Variants in TMEM135 observed in about 807,000 individuals in gnomAD.
The protein encoded by TMEM135 is transmembrane protein 135, also known as peroxisomal membrane protein 52.
In TMEM135, 30 loss-of-function variants were observed where a neutral mutation model predicts 60.3. That is an observed-to-expected ratio of 0.50 (90% CI 0.37 to 0.68). TMEM135 has a LOEUF of 0.68. TMEM135 is among the 30% of genes least tolerant of loss of function. The probability of loss-of-function intolerance (pLI) is 0.00; values close to 1 mark genes in which losing one functional copy is unlikely to be tolerated. For synonymous variants in TMEM135, 190 were observed against 186.7 expected (o/e 1.02, Z -0.14); for missense variants, 468 against 548.8 (o/e 0.85, Z 1.47).
At chr11:87,280,918 C>T (rs972582769) in intron 6 of TMEM135, among the ~76,000 whole-genome samples, 2 of 152,184 alleles carry the variant, frequency 1.3e-5, no homozygotes, top group African/African-American at 2.4e-5. Flanking sequence ...ACATGCCTAT[C>T]AGCCGTATCC....
At chr11:87,261,247 C>T (rs565522090) in intron 6 of TMEM135, among the ~76,000 whole-genome samples, 8 of 152,254 alleles carry the variant, frequency 5.3e-5, no homozygotes, top group South Asian at 4.2e-4. Flanking sequence ...TTCTTCTCAG[C>T]GCCAACCTCC....
chr11:87,135,180 GT>G (rs1657099787), intron 4 of TMEM135, among the ~76,000 whole-genome samples: 1 of 151,840 alleles, frequency 6.6e-6, no homozygotes, highest in Admixed American at 6.6e-5. Context: ...TTTCCATACT[GT>G]GGCTTCTTTT....
rs561921286 is a variant in TMEM135 at position 87,280,052 on chromosome 11, GTTA to G, written c.510-15724_510-15722del. 2.9e-3 allele frequency among the ~76,000 whole-genome samples: 440 copies of G among 152,204 alleles called. 3 individuals are homozygous for G. Among genetic ancestry groups the G allele is most frequent in the African/African-American group, 9.9e-3 (413 of 41,526 alleles). ...TCTTTACTTAGTTGTAATTTTGAAG[GTTA>G]TTATTTTTAAACTAATTTGTTAATC... On this transcript the variant is annotated intron_variant, in intron 6 of 14. Coordinates refer to ENST00000305494, the MANE Select transcript of TMEM135 (RefSeq NM_022918.4).
At chr11:87,074,565 C>G (rs1385382889) in intron 3 of TMEM135, among the ~76,000 whole-genome samples, 1 of 152,114 alleles carries the variant, frequency 6.6e-6, no homozygotes, top group African/African-American at 2.4e-5. Flanking sequence ...CAGTTATGTA[C>G]CTACTTTTCA....
In TMEM135 at chr11:87,278,732, G is replaced by A. The variant is rs540847384; in HGVS notation, c.510-17050G>A. ...TACAATAAAAATATACACATTTGAA[G>A]AGTATACTCTATGAGTTCTATGAGT... On this transcript the variant is annotated intron_variant, in intron 6 of 14. Coordinates refer to ENST00000305494, the MANE Select transcript of TMEM135 (RefSeq NM_022918.4). 3.3e-5 allele frequency among the ~76,000 whole-genome samples: 5 copies of A among 152,224 alleles called. No homozygotes were observed. The South Asian group carries it at 1.0e-3, about 32-fold the overall frequency.
intron 4 of TMEM135, chr11:87,096,181 T>G: frequency 1.3e-5 from 4 of 305,140 alleles, no homozygotes; most frequent in Non-Finnish European, 1.9e-5. Flanking sequence ...CTAGCAAAAG[T>G]TTTTTATCCG....
At chr11:87,287,995 T>G (rs534772181) in intron 6 of TMEM135, among the ~76,000 whole-genome samples, 19 of 152,276 alleles carry the variant, frequency 1.2e-4, no homozygotes, top group Non-Finnish European at 2.2e-4. Context: ...ATATATAAAT[T>G]TATGCTTATT....
intron 6 of TMEM135, among the ~76,000 whole-genome samples, chr11:87,253,880 C>CA (rs1565142669): frequency 6.6e-6 from 1 of 151,662 alleles, no homozygotes; most frequent in African/African-American, 2.4e-5. Context: ...ATATTATTGA[C>CA]AAAAAATTGA....
At chr11:87,306,750 G>A (rs745844252) in intron 9 of TMEM135, among the ~76,000 whole-genome samples, 4 of 151,778 alleles carry the variant, frequency 2.6e-5, no homozygotes, top group Non-Finnish European at 5.9e-5. Context: ...ACAGAGTCTC[G>A]CTCAGCCACC....
intron 1 of TMEM135, among the ~76,000 whole-genome samples, chr11:87,058,022 A>G (rs1245063573): frequency 6.6e-6 from 1 of 152,196 alleles, no homozygotes; most frequent in Admixed American, 6.5e-5. Flanking sequence ...CTGGTGTTTC[A>G]GTCAGGTCTG....
intron 5 of TMEM135, among the ~76,000 whole-genome samples, chr11:87,222,499 C>CAA (rs748866211): frequency 0.032 from 3,153 of 100,016 alleles, 57 homozygotes; most frequent in Admixed American, 0.058. Flanking sequence ...ACTCCGTCTC[C>CAA]AAAAAAAAAA....
chr11:87,160,707 A>G (rs1332695625), intron 5 of TMEM135, among the ~76,000 whole-genome samples: 1 of 152,220 alleles, frequency 6.6e-6, no homozygotes, highest in Non-Finnish European at 1.5e-5. Context: ...CATTCTAATT[A>G]TTACTATTAT....
chr11:87,060,076 G>A (rs2135126817), intron 1 of TMEM135, among the ~76,000 whole-genome samples: 1 of 152,146 alleles, frequency 6.6e-6, no homozygotes, highest in East Asian at 1.9e-4. Context: ...TCGCGCCACT[G>A]CACTCCAGCC....
intron 4 of TMEM135, among the ~76,000 whole-genome samples, chr11:87,147,237 C>T (rs1173159223): frequency 4.6e-5 from 7 of 152,086 alleles, no homozygotes; most frequent in South Asian, 4.2e-4. Flanking sequence ...GCACAAGAAT[C>T]GCTTGAACCT....
At chr11:87,320,203 T>A (rs192265587) in intron 14 of TMEM135, among the ~76,000 whole-genome samples, 5 of 152,268 alleles carry the variant, frequency 3.3e-5, no homozygotes, top group African/African-American at 1.2e-4. Flanking sequence ...AGTTAGGTTC[T>A]GTTATTATCC....
At chr11:87,193,876 A>C (rs1340543435) in intron 5 of TMEM135, among the ~76,000 whole-genome samples, 1 of 151,602 alleles carries the variant, frequency 6.6e-6, no homozygotes, top group Non-Finnish European at 1.5e-5. Context: ...GATACAGTAG[A>C]TACACAATAC....
intron 4 of TMEM135, among the ~76,000 whole-genome samples, chr11:87,112,146 A>G (rs1424386770): frequency 6.6e-6 from 1 of 152,202 alleles, no homozygotes; most frequent in Non-Finnish European, 1.5e-5. Flanking sequence ...AGCAATGCTT[A>G]TAAAAATTTA....
chr11:87,242,186 A>G (rs1186914506), intron 6 of TMEM135, among the ~76,000 whole-genome samples: 3 of 151,136 alleles, frequency 2.0e-5, no homozygotes, highest in Non-Finnish European at 4.4e-5. Context: ...TGAACTCATC[A>G]TTTTTTATGG....
At position 87,081,841 on chromosome 11, in the gene TMEM135, C is replaced by T. The variant is rs372214077; in HGVS notation, c.363-9521C>T. Among the ~76,000 whole-genome samples, 6 of 151,996 alleles carry T rather than the reference C, an allele frequency of 3.9e-5. No individual in the cohort carries two copies. The East Asian group carries it at 5.8e-4, about 15-fold the overall frequency. On this transcript the variant is annotated intron_variant, in intron 3 of 14. Coordinates refer to ENST00000305494, the MANE Select transcript of TMEM135 (RefSeq NM_022918.4). Reference sequence around the variant, plus strand: ...AGCTGAAGTAGTTTTATTGTTTTAACGACTTAATAAGAAATTTAAGTCTAG... The same window carrying T: ...AGCTGAAGTAGTTTTATTGTTTTAATGACTTAATAAGAAATTTAAGTCTAG...
Sources: gnomAD v4.1 joint callset for allele counts (sites outside exome capture counted in the v4.1 genomes callset) on GRCh38, gnomAD v4.1.1 for gene constraint, MANE v1.5 for transcripts, NCBI Gene and HGNC (gene_info 2026-07-23, HGNC 2026-07-21) for gene names.